The following AMN1 variants were observed in gnomAD, a reference collection of about 807,000 sequenced individuals.
AMN1 encodes the protein protein AMN1 homolog.
AMN1 carries 20 observed loss-of-function variants against 33.0 expected under a neutral mutation model. The ratio of observed to expected loss-of-function variants is 0.61; its 90% CI spans 0.43 to 0.88. The LOEUF is 0.88. Among genes scored for constraint, AMN1 ranks in the 40% least tolerant of loss-of-function variants. The pLI is 0.00. For missense variants in AMN1, 246 were observed against 307.4 expected (o/e 0.80, Z 1.49); for synonymous variants, 114 against 111.9 (o/e 1.02, Z -0.12).
chr12:31,708,972 G>T (rs539576705), intron 2 of AMN1: 203 of 408,834 alleles, frequency 5.0e-4, no homozygotes, highest in African/African-American at 4.0e-3. Flanking sequence ...GAGCTCCGGA[G>T]TTCGAGACCA....
intron 1 of AMN1, among the ~76,000 whole-genome samples, chr12:31,722,167 A>ACACACACACAC: frequency 1.5e-5 from 2 of 133,274 alleles, no homozygotes; most frequent in Middle Eastern, 7.8e-3. Context: ...ACACACACAC[A>ACACACACACAC]CACACACACC....
At chr12:31,686,850 C>T (rs1403389046) in intron 6 of AMN1, among the ~76,000 whole-genome samples, 1 of 152,110 alleles carries the variant, frequency 6.6e-6, no homozygotes, top group Non-Finnish European at 1.5e-5. Flanking sequence ...GTGCTGACAG[C>T]CACCACGTCC....
chr12:31,678,290 T>C (rs957322283), intron 6 of AMN1, among the ~76,000 whole-genome samples: 21 of 152,118 alleles, frequency 1.4e-4, no homozygotes, highest in African/African-American at 4.8e-4. Context: ...GTTGACCACC[T>C]CTGTAAAAAT....
intron 1 of AMN1, among the ~76,000 whole-genome samples, chr12:31,715,956 A>T (rs1198801632): frequency 6.6e-6 from 1 of 152,260 alleles, no homozygotes; most frequent in Non-Finnish European, 1.5e-5. Flanking sequence ...ACTACATGAC[A>T]GGTTTCCTTT....
intron 2 of AMN1, among the ~76,000 whole-genome samples, chr12:31,707,448 C>T (rs776120454): frequency 1.4e-4 from 21 of 152,186 alleles, no homozygotes; most frequent in Non-Finnish European, 2.1e-4. Flanking sequence ...GACTGTAGAA[C>T]GTACTTGCTG....
chr12:31,690,159 T>C (rs565163733), intron 5 of AMN1, among the ~76,000 whole-genome samples: 3 of 152,376 alleles, frequency 2.0e-5, no homozygotes, highest in South Asian at 2.1e-4. Flanking sequence ...CACTCGTTGA[T>C]TGATGGGCAT....
intron 1 of AMN1, 74 bp downstream of exon 1, chr12:31,728,897 G>A (rs1169481723): frequency 1.4e-6 from 2 of 1,481,072 alleles, no homozygotes; most frequent in East Asian, 5.1e-5. Flanking sequence ...CGGGGAGGAA[G>A]AGCAGCGCAG....
At chr12:31,681,698 T>A (rs896363272) in intron 6 of AMN1, among the ~76,000 whole-genome samples, 5 of 152,208 alleles carry the variant, frequency 3.3e-5, no homozygotes, top group Non-Finnish European at 7.3e-5. Flanking sequence ...AGTTTTAGTC[T>A]TAGCACTATT....
intron 1 of AMN1, among the ~76,000 whole-genome samples, chr12:31,721,782 T>C (rs971013564): frequency 7.9e-5 from 12 of 152,202 alleles, no homozygotes; most frequent in African/African-American, 2.9e-4. Flanking sequence ...GACTGTGAAC[T>C]GTGAAAACAA....
intron 3 of AMN1, among the ~76,000 whole-genome samples, chr12:31,699,131 C>T (rs938951337): frequency 5.3e-5 from 8 of 152,154 alleles, no homozygotes; most frequent in Non-Finnish European, 1.2e-4. Context: ...TGGTTCACAC[C>T]TGTAATCTCA....
At chr12:31,697,279 G>T in intron 5 of AMN1, 82 bp downstream of exon 5, 1 of 1,207,728 alleles carries the variant, frequency 8.3e-7, no homozygotes, top group Non-Finnish European at 1.2e-6. Context: ...ATAAAGCATT[G>T]GTTATCCGCT....
rs60680259 is a variant in AMN1 at position 31,704,680 on chromosome 12, T to C, written c.172-2673A>G. Among the ~76,000 whole-genome samples the C allele has an allele frequency of 8.3e-3, 1,270 of 152,298 alleles. 18 individuals carry two copies. The highest frequency in any genetic ancestry group is 0.029 in the African/African-American group (1,198 of 41,564). On this transcript the variant is annotated intron_variant, in intron 2 of 6. Coordinates refer to ENST00000281471, the MANE Select transcript of AMN1 (RefSeq NM_001113402.2). ...TCCAAAGATGTGTGTCACTTTGTAATGGATGTTGTATCTGGCTTTTTGAAT... is the reference window on the plus strand; with the variant it reads ...TCCAAAGATGTGTGTCACTTTGTAACGGATGTTGTATCTGGCTTTTTGAAT...
At chr12:31,710,601 T>G (rs1592170430) in intron 1 of AMN1, among the ~76,000 whole-genome samples, 1 of 150,930 alleles carries the variant, frequency 6.6e-6, no homozygotes, top group Admixed American at 6.6e-5. Flanking sequence ...AAGGCTTGTG[T>G]GGGGGAGGGG....
chr12:31,675,500 CTTT>C (rs766169147), intron 6 of AMN1, among the ~76,000 whole-genome samples: 1 of 143,414 alleles, frequency 7.0e-6, no homozygotes, highest in Non-Finnish European at 1.5e-5. Flanking sequence ...GATATCCACA[CTTT>C]TTTTTTTTTT....
At chr12:31,694,140 T>TAAA (rs372135890) in intron 5 of AMN1, among the ~76,000 whole-genome samples, 3 of 142,522 alleles carry the variant, frequency 2.1e-5, no homozygotes, top group Non-Finnish European at 4.6e-5. Flanking sequence ...GAGTAGTTAG[T>TAAA]AAAAAAAAAA....
rs370824903 is a variant in AMN1 at position 31,676,044 on chromosome 12, C to T, written c.704-3667G>A. Among the ~76,000 whole-genome samples, 41 of 151,862 alleles carry T rather than the reference C, an allele frequency of 2.7e-4. 4 individuals carry two copies. Among genetic ancestry groups the T allele is most frequent in the African/African-American group, 9.2e-4 (38 of 41,196 alleles). ...TATAAAAATCAAATGTATTTCTATA[C>T]ATCAACAATGAATAATCCAAAAATG... On this transcript the variant is annotated intron_variant, in intron 6 of 6. Transcript: ENST00000281471.
chr12:31,674,784 T>TGAG lies in AMN1; in HGVS notation c.704-2410_704-2408dup, dbSNP rs543730768. On this transcript the variant is annotated intron_variant, in intron 6 of 6. Coordinates refer to ENST00000281471, the MANE Select transcript of AMN1 (RefSeq NM_001113402.2). The stretch of plus-strand genomic sequence containing the variant: ...CTGTAATTCCAGCACTTTGGGAGGC[T>TGAG]GAGGGCGGATCACCTGAGGTCAAGA... Among the ~76,000 whole-genome samples the TGAG allele has an allele frequency of 9.7e-3, 1,467 of 151,730 alleles. 20 individuals carry two copies. Among genetic ancestry groups the TGAG allele is most frequent in the African/African-American group, 0.034 (1,388 of 41,350 alleles).
In AMN1 at chr12:31,672,343, GC is replaced by G. The variant is rs1565756170; in HGVS notation, c.737del (p.Gly246AlafsTer5). On this transcript the variant is annotated frameshift_variant, in exon 7 of 7. Coordinates refer to ENST00000281471, the MANE Select transcript of AMN1 (RefSeq NM_001113402.2). LOFTEE classifies it high-confidence loss of function. ...ATGTCACTTGCTTTAGTTTGTTTGG[GC>G]CTACTAATTGCTCCAACACTTCTCG... ...HSREVLEQLV[G>X]PNKLKQVTWT... is the part of the protein sequence containing the mutation. 6.3e-7 allele frequency: 1 copy of G among 1,579,272 alleles called. No homozygotes were observed. The highest frequency in any genetic ancestry group is 8.6e-7 in the Non-Finnish European group (1 of 1,160,696).
At chr12:31,713,507 C>T (rs1371436031) in intron 1 of AMN1, among the ~76,000 whole-genome samples, 2 of 152,086 alleles carry the variant, frequency 1.3e-5, no homozygotes, top group African/African-American at 4.8e-5. Flanking sequence ...TTTTGTTACT[C>T]TTTTATCATA....
Sources: allele counts gnomAD v4.1 joint callset (sites outside exome capture counted in the v4.1 genomes callset), GRCh38; gene constraint gnomAD v4.1.1; transcripts MANE v1.5; gene names NCBI Gene and HGNC (gene_info 2026-07-23, HGNC 2026-07-21).